Variants in HEPH observed in about 807,000 individuals in gnomAD.
HEPH encodes hephaestin.
A neutral mutation model predicts 80.8 loss-of-function variants in HEPH; 69 were observed. The observed-to-expected ratio is 0.85, with a 90% CI of 0.70 to 1.04. HEPH has a LOEUF of 1.04. Ranked by LOEUF, HEPH falls within the 50% of genes least tolerant of loss-of-function variation. HEPH has a pLI of 0.00. For missense variants in HEPH, 1,115 were observed against 891.3 expected, an observed-to-expected ratio of 1.25 and a Z score of -3.20; for synonymous variants, 431 against 322.8, an observed-to-expected ratio of 1.34 and a Z score of -3.60.
In HEPH at chrX:66,202,411, G is replaced by A. The variant is rs959736162; in HGVS notation, c.2078-953G>A. Among the ~76,000 whole-genome samples the A allele has an allele frequency of 4.5e-5, 5 of 111,833 alleles. No homozygotes were observed. In the Admixed American group the frequency reaches 4.7e-4, roughly 11 times the overall value. ...GATGGGATAAGCACTGAGCAGCAAAGTAAGGAAACAATGAGAGTAATGTTC... is the reference window on the plus strand; with the variant it reads ...GATGGGATAAGCACTGAGCAGCAAAATAAGGAAACAATGAGAGTAATGTTC... On this transcript the variant is annotated intron_variant, in intron 12 of 20. Coordinates refer to ENST00000343002, the MANE Select transcript of HEPH (RefSeq NM_001367233.3).
At chrX:66,217,665 A>G (rs2089454303) in intron 15 of HEPH, among the ~76,000 whole-genome samples, 1 of 111,871 alleles carries the variant, frequency 8.9e-6, no homozygotes, top group African/African-American at 3.3e-5. Flanking sequence ...AGCACAATGA[A>G]TAGAACAATA....
intron 4 of HEPH, among the ~76,000 whole-genome samples, chrX:66,180,392 C>A (rs1001064305): frequency 9.0e-6 from 1 of 110,782 alleles, no homozygotes; most frequent in African/African-American, 3.3e-5. Flanking sequence ...ATACAGAATT[C>A]TCGGCTGATA....
intron 4 of HEPH, among the ~76,000 whole-genome samples, chrX:66,177,609 T>G (rs1390813334): frequency 8.9e-6 from 1 of 112,277 alleles, no homozygotes; most frequent in Non-Finnish European, 1.9e-5. Context: ...ATTTTCCCTC[T>G]TCTTTTCTTG....
chrX:66,231,789 C>A (rs1198952077), intron 15 of HEPH, among the ~76,000 whole-genome samples: 1 of 106,064 alleles, frequency 9.4e-6, no homozygotes, highest in Non-Finnish European at 1.9e-5. Flanking sequence ...TGCCTAATTG[C>A]CCTGGCCAGA....
At chrX:66,201,854 G>GA (rs1394815778) in intron 12 of HEPH, among the ~76,000 whole-genome samples, 1 of 111,906 alleles carries the variant, frequency 8.9e-6, no homozygotes, top group Non-Finnish European at 1.9e-5. Context: ...CAGTTTAAAC[G>GA]AAAAAATAAT....
chrX:66,252,792 A>G (rs1469431859), intron 15 of HEPH, among the ~76,000 whole-genome samples: 1 of 112,075 alleles, frequency 8.9e-6, no homozygotes, highest in African/African-American at 3.2e-5. Context: ...AGATCCAGAA[A>G]TAAACCCTCT....
rs770864283 is a variant in HEPH at position 66,209,821 on chromosome X, G to T, written c.2563+1575G>T. Among the ~76,000 whole-genome samples the T allele has an allele frequency of 2.7e-5, 3 of 111,482 alleles. No homozygotes were observed. In the South Asian group the frequency reaches 1.1e-3, roughly 42 times the overall value. ...AGAGAAAGGTGACTTGAGATGGAGT[G>T]GGAGGATTGGAGTATTGGATGATGA... On this transcript the variant is annotated intron_variant, in intron 15 of 20. Transcript: ENST00000343002.
intron 19 of HEPH, among the ~76,000 whole-genome samples, chrX:66,262,221 G>A (rs1377149912): frequency 8.9e-6 from 1 of 112,316 alleles, no homozygotes; most frequent in African/African-American, 3.2e-5. Flanking sequence ...TTGGAACAAG[G>A]TTTCTGATAA....
At chrX:66,219,311 C>T (rs150141812) in intron 15 of HEPH, among the ~76,000 whole-genome samples, 39 of 112,053 alleles carry the variant, frequency 3.5e-4, no homozygotes, top group African/African-American at 8.1e-4. Flanking sequence ...CACACTTGCA[C>T]GGGCACATGT....
At chrX:66,253,981 GT>G (rs1403947462) in intron 15 of HEPH, among the ~76,000 whole-genome samples, 2 of 111,019 alleles carry the variant, frequency 1.8e-5, no homozygotes, top group Admixed American at 9.6e-5. Context: ...CAGTACAGGA[GT>G]TTTTTTGGTG....
intron 13 of HEPH, 47 bp from the exon 14 acceptor site, chrX:66,207,148 G>A: frequency 8.9e-7 from 1 of 1,121,383 alleles, no homozygotes; most frequent in East Asian, 3.5e-5. Context: ...AAATGAAAAT[G>A]AGGGGTTGAT....
intron 10 of HEPH, 28 bp from the exon 11 acceptor site, chrX:66,198,850 C>T: frequency 3.6e-6 from 4 of 1,113,723 alleles, no homozygotes; most frequent in Non-Finnish European, 4.9e-6. Flanking sequence ...GTCATTATTC[C>T]CTCTACTTTC....
chrX:66,203,324 G>C, intron 12 of HEPH, 40 bp from the exon 13 acceptor site: 1 of 1,139,848 alleles, frequency 8.8e-7, no homozygotes, highest in African/African-American at 1.8e-5. Context: ...ACTACCCAGG[G>C]ATGTTCTGAG....
intron 13 of HEPH, among the ~76,000 whole-genome samples, chrX:66,205,528 G>A (rs2088716446): frequency 9.0e-6 from 1 of 110,965 alleles, no homozygotes; most frequent in South Asian, 3.8e-4. Context: ...CTATGTCTTT[G>A]CTATTGTGAA....
upstream of HEPH, chrX:66,164,221 C>T (rs1272360522): frequency 1.3e-6 from 1 of 752,274 alleles, no homozygotes; most frequent in African/African-American, 2.3e-5. Flanking sequence ...GGTTTTGTAT[C>T]AAACCAGGCC....
In HEPH at chrX:66,198,981, T is replaced by G; in HGVS notation, c.1817T>G (p.Leu606Arg). Reference sequence around the variant, plus strand: ...GCAGCTGCTATGTTGGATTTCCGACTGCTTTCAGAGGATATTGAGGGCTTC... The same window carrying G: ...GCAGCTGCTATGTTGGATTTCCGACGGCTTTCAGAGGATATTGAGGGCTTC... The part of the protein sequence containing the change: ...NQAAAMLDFR[L>R]LSEDIEGFQD... The change falls in exon 11 of 21, where the codon CTG (leucine) becomes CGG (arginine). Residue 606 changes from leucine to arginine, a missense_variant. By Grantham distance (102) the Leu-to-Arg change is moderately radical (BLOSUM62 -2). Transcript: ENST00000343002. The G allele has an allele frequency of 8.3e-7, 1 of 1,211,554 alleles. No individual in the cohort carries two copies. The highest frequency in any genetic ancestry group is 1.1e-6 in the Non-Finnish European group (1 of 895,097).
At chrX:66,241,500 A>G (rs985604831) in intron 15 of HEPH, among the ~76,000 whole-genome samples, 3 of 111,697 alleles carry the variant, frequency 2.7e-5, no homozygotes, top group Non-Finnish European at 5.6e-5. Context: ...ACAACAATCA[A>G]AAAGGCCAAA....
chrX:66,201,560 A>G (rs1569325639), intron 12 of HEPH, among the ~76,000 whole-genome samples: 1 of 109,892 alleles, frequency 9.1e-6, no homozygotes, highest in Non-Finnish European at 1.9e-5. Flanking sequence ...CCTATGGTGT[A>G]TTTTTTTTTC....
intron 1 of HEPH, among the ~76,000 whole-genome samples, chrX:66,167,913 G>A (rs1374164452): frequency 1.8e-5 from 2 of 112,215 alleles, no homozygotes; most frequent in East Asian, 5.6e-4. Context: ...AGACCCAACT[G>A]ATGGAAAAAT....
Sources: gnomAD v4.1 joint callset for allele counts (sites outside exome capture counted in the v4.1 genomes callset) on GRCh38, gnomAD v4.1.1 for gene constraint, MANE v1.5 for transcripts, NCBI Gene and HGNC (gene_info 2026-07-23, HGNC 2026-07-21) for gene names.